Variants in PTPN11 observed in about 807,000 individuals in gnomAD.
PTPN11 encodes the protein tyrosine-protein phosphatase non-receptor type 11.
Under a neutral mutation model 78.8 loss-of-function variants are expected in PTPN11, and 6 were observed. The observed-to-expected ratio is 0.08, with a 90% confidence interval of 0.04 to 0.15. The LOEUF (loss-of-function observed/expected upper bound fraction) is 0.15. PTPN11 is among the 10% of genes least tolerant of loss of function. The probability of loss-of-function intolerance (pLI) is 1.00; values close to 1 mark genes in which losing one functional copy is unlikely to be tolerated. For synonymous variants in PTPN11, 221 were observed against 263.5 expected, an observed-to-expected ratio of 0.84 and a Z score of 1.56; for missense variants, 386 against 744.8, an observed-to-expected ratio of 0.52 and a Z score of 5.61.
chr12:112,495,470 G>A (rs2038802867), intron 13 of PTPN11, among the ~76,000 whole-genome samples: 2 of 152,148 alleles, frequency 1.3e-5, no homozygotes, highest in East Asian at 3.8e-4. Flanking sequence ...GGATTTTTGG[G>A]AAGAATACCA....
intron 1 of PTPN11, among the ~76,000 whole-genome samples, chr12:112,424,090 T>C (rs1041395214): frequency 2.6e-5 from 4 of 152,338 alleles, no homozygotes; most frequent in South Asian, 2.1e-4. Flanking sequence ...TTCAAGTTTT[T>C]ATCATCCCAC....
At chr12:112,481,469 C>G (rs2038594675) in intron 9 of PTPN11, among the ~76,000 whole-genome samples, 2 of 151,956 alleles carry the variant, frequency 1.3e-5, no homozygotes, top group Non-Finnish European at 1.5e-5. Flanking sequence ...GCCTGGTCTT[C>G]CAAACACCTG....
chr12:112,493,421 G>A (rs1305457860), intron 13 of PTPN11, among the ~76,000 whole-genome samples: 2 of 118,758 alleles, frequency 1.7e-5, no homozygotes, highest in East Asian at 4.9e-4. Flanking sequence ...GTCTCACTTT[G>A]TCACCCTGGC....
At chr12:112,442,023 C>T (rs575376043) in intron 1 of PTPN11, among the ~76,000 whole-genome samples, 9 of 151,948 alleles carry the variant, frequency 5.9e-5, no homozygotes, top group East Asian at 1.9e-4. Context: ...GTGATCCGCC[C>T]GCCTCGGCCT....
intron 3 of PTPN11, among the ~76,000 whole-genome samples, chr12:112,452,194 A>C (rs2045919524): frequency 6.6e-6 from 1 of 151,464 alleles, no homozygotes; most frequent in Admixed American, 6.6e-5. Context: ...ACTTTTTATT[A>C]CAACTTCTTT....
chr12:112,431,938 A>T (rs897638455), intron 1 of PTPN11, among the ~76,000 whole-genome samples: 4 of 152,116 alleles, frequency 2.6e-5, no homozygotes, highest in Non-Finnish European at 5.9e-5. Flanking sequence ...AAAAGGGGGG[A>T]AAAAAACCAG....
chr12:112,498,712 G>T (rs1040481883), intron 13 of PTPN11, among the ~76,000 whole-genome samples: 3 of 152,088 alleles, frequency 2.0e-5, no homozygotes, highest in Non-Finnish European at 4.4e-5. Context: ...TGATTTTCTA[G>T]GCTTCAGAAA....
At chr12:112,489,960 G>A (rs542884802) in intron 13 of PTPN11, among the ~76,000 whole-genome samples, 1 of 152,264 alleles carries the variant, frequency 6.6e-6, no homozygotes, top group African/African-American at 2.4e-5. Context: ...CAGCAGCCAC[G>A]TTATCAAAGT....
intron 1 of PTPN11, among the ~76,000 whole-genome samples, chr12:112,441,600 T>A (rs1280764188): frequency 1.3e-5 from 2 of 151,962 alleles, no homozygotes; most frequent in African/African-American, 4.8e-5. Flanking sequence ...TGGGTCAATA[T>A]TTGTGGAGAA....
In PTPN11 at chr12:112,482,816, T is replaced by TA. The variant is rs1239203685; in HGVS notation, c.1224+612dup. Reference sequence around the variant, plus strand: ...GGAAGGAGGGATTCAAGACACATTGTAGAGGTTTGAGTCTGAGCGGACAGT... The same window carrying TA: ...GGAAGGAGGGATTCAAGACACATTGTAAGAGGTTTGAGTCTGAGCGGACAGT... On this transcript the variant is annotated intron_variant, in intron 10 of 15. Coordinates refer to ENST00000351677, the MANE Select transcript of PTPN11 (RefSeq NM_002834.5). This position sits in a 1 kb window ranked among gnomAD's most constrained non-coding sequence, Gnocchi z 4.4. Among the ~76,000 whole-genome samples, 2 of 152,106 alleles carry TA rather than the reference T, an allele frequency of 1.3e-5. No individual in the cohort carries two copies. Among genetic ancestry groups the TA allele is most frequent in the African/African-American group, 4.8e-5 (2 of 41,420 alleles).
intron 2 of PTPN11, among the ~76,000 whole-genome samples, chr12:112,448,349 T>A (rs2038025702): frequency 6.6e-6 from 1 of 151,970 alleles, no homozygotes; most frequent in African/African-American, 2.4e-5. Flanking sequence ...TAGTTGGGAT[T>A]ACAGCGCCTG....
At chr12:112,442,821 TCTCTC>T (rs2037915679) in intron 1 of PTPN11, among the ~76,000 whole-genome samples, 2 of 94,508 alleles carry the variant, frequency 2.1e-5, no homozygotes, top group East Asian at 2.5e-4. Flanking sequence ...CCTCTCTCTC[TCTCTC>T]TTTTTATATA....
At chr12:112,458,152 G>A (rs1592833144) in intron 6 of PTPN11, among the ~76,000 whole-genome samples, 1 of 152,178 alleles carries the variant, frequency 6.6e-6, no homozygotes, top group Non-Finnish European at 1.5e-5. Context: ...CAGCTGAGGG[G>A]CCTAAGGGAG....
In PTPN11 at chr12:112,489,185, T is replaced by A. The variant is rs751702178; in HGVS notation, c.1599+10T>A. On this transcript the variant is annotated intron_variant, in intron 13 of 15. Transcript: ENST00000351677. ...GATTGAAGAAGAGCAGGTACCAGCC[T>A]GAGGGCTGGCATGCGGATTCTCATT... 1 of 1,614,078 alleles carries A rather than the reference T, an allele frequency of 6.2e-7. No homozygotes were observed. Among genetic ancestry groups the A allele is most frequent in the Non-Finnish European group, 8.5e-7 (1 of 1,179,924 alleles).
At chr12:112,439,609 T>C (rs1031519136) in intron 1 of PTPN11, among the ~76,000 whole-genome samples, 1 of 151,944 alleles carries the variant, frequency 6.6e-6, no homozygotes, top group South Asian at 2.1e-4. Context: ...GCTGGGACTA[T>C]AGGCGCGCAC....
chr12:112,465,209 A>G (rs1387474182), intron 6 of PTPN11, among the ~76,000 whole-genome samples: 8 of 152,110 alleles, frequency 5.3e-5, no homozygotes, highest in Non-Finnish European at 7.4e-5. Context: ...AGGCAGCTGG[A>G]TTACCTGAGG....
intron 1 of PTPN11, among the ~76,000 whole-genome samples, chr12:112,431,938 A>G (rs897638455): frequency 6.6e-6 from 1 of 152,116 alleles, no homozygotes; most frequent in Non-Finnish European, 1.5e-5. Flanking sequence ...AAAAGGGGGG[A>G]AAAAAACCAG....
chr12:112,461,290 C>G (rs1005957699), intron 6 of PTPN11, among the ~76,000 whole-genome samples: 2 of 150,860 alleles, frequency 1.3e-5, no homozygotes, highest in African/African-American at 4.9e-5. Flanking sequence ...CTTTTCATCG[C>G]CGAGGGTTGA....
Position 112,442,830 on chromosome 12 carries a change from T to TTTTA in PTPN11, c.15-3445_15-3444insTTAT, listed in dbSNP as rs1348198967. On this transcript the variant is annotated intron_variant, in intron 1 of 15. Transcript: ENST00000351677. ...CTCTCTCCTCTCTCTCTCTCTCTTTTTATATATATATATATATATATATAT... is the reference window on the plus strand; with the variant it reads ...CTCTCTCCTCTCTCTCTCTCTCTTTTTTTATATATATATATATATATATATATAT... 2.3e-4 allele frequency among the ~76,000 whole-genome samples: 10 copies of TTTTA among 43,532 alleles called. 1 individual carries two copies. Among genetic ancestry groups the TTTTA allele is most frequent in the Non-Finnish European group, 3.0e-4 (5 of 16,760 alleles). 28.6% of individuals were successfully genotyped at this position (43,532 alleles called of 152,430 possible).
Sources: gnomAD v4.1 joint callset for allele counts (sites outside exome capture counted in the v4.1 genomes callset) on GRCh38, gnomAD v4.1.1 for gene constraint, Gnocchi (gnomAD v3.1) non-coding constraint, MANE v1.5 for transcripts, NCBI Gene and HGNC (gene_info 2026-07-23, HGNC 2026-07-21) for gene names.